The following CSMD1 variants were observed in gnomAD, a reference collection of about 807,000 sequenced individuals.
The protein encoded by CSMD1 is CUB and Sushi multiple domains 1.
Under a neutral mutation model 417.5 loss-of-function variants are expected in CSMD1, and 213 were observed. The observed-to-expected ratio is 0.51, with a 90% CI of 0.46 to 0.57. CSMD1 has a LOEUF of 0.57. CSMD1 is among the 20% of genes least tolerant of loss of function. The probability of loss-of-function intolerance (pLI) is 0.00; values close to 1 mark genes in which losing one functional copy is unlikely to be tolerated. For synonymous variants in CSMD1, 2,862 were observed against 1,736.8 expected (o/e 1.65, Z -16.11); for missense variants, 6,923 against 4,529.7 (o/e 1.53, Z -15.17).
chr8:4,231,455 T>A lies in CSMD1; in HGVS notation c.415+188498A>T, dbSNP rs568918912. On this transcript the variant is annotated intron_variant, in intron 3 of 69. Coordinates refer to ENST00000635120, the MANE Select transcript of CSMD1 (RefSeq NM_033225.6). ...AGTGATAGGTGTAGAGATCAGACAT[T>A]AGACAGTGAACTCTCTCAGGGCCAG... Among the ~76,000 whole-genome samples the A allele has an allele frequency of 2.6e-3, 403 of 152,192 alleles. 2 individuals carry two copies. Among genetic ancestry groups the A allele is most frequent in the Middle Eastern group, 0.01 (3 of 294 alleles).
At chr8:3,819,911 C>A (rs1167410770) in intron 5 of CSMD1, among the ~76,000 whole-genome samples, 2 of 152,160 alleles carry the variant, frequency 1.3e-5, no homozygotes, top group Admixed American at 6.5e-5. Flanking sequence ...TAGAGGCAGA[C>A]TGGACAAGAC....
chr8:4,057,665 A>C (rs1251856400), intron 3 of CSMD1, among the ~76,000 whole-genome samples: 4 of 126,748 alleles, frequency 3.2e-5, no homozygotes, highest in African/African-American at 1.1e-4. Flanking sequence ...TTATAGTTTT[A>C]GGTGTAACGT....
chr8:4,147,474 G>A (rs147251445), intron 3 of CSMD1, among the ~76,000 whole-genome samples: 1 of 152,148 alleles, frequency 6.6e-6, no homozygotes, highest in East Asian at 1.9e-4. Flanking sequence ...TACCCTACAT[G>A]ATTGCCTTTG....
intron 5 of CSMD1, among the ~76,000 whole-genome samples, chr8:3,951,776 G>C (rs565220820): frequency 1.3e-5 from 2 of 152,238 alleles, no homozygotes; most frequent in South Asian, 2.1e-4. Context: ...AGGGTGACCT[G>C]TGCTGAGAAC....
At chr8:3,935,560 G>C (rs1054305244) in intron 5 of CSMD1, among the ~76,000 whole-genome samples, 8 of 152,244 alleles carry the variant, frequency 5.3e-5, no homozygotes, top group African/African-American at 1.7e-4. Context: ...CTAGGTATAT[G>C]ATTGTACTTG....
At chr8:4,280,312 G>A (rs1161438518) in intron 3 of CSMD1, among the ~76,000 whole-genome samples, 1 of 151,040 alleles carries the variant, frequency 6.6e-6, no homozygotes, top group Non-Finnish European at 1.5e-5. Context: ...AGCTTTGAAA[G>A]AGAGTGGATA....
At chr8:3,383,252 T>C (rs1810755368) in intron 18 of CSMD1, among the ~76,000 whole-genome samples, 1 of 152,250 alleles carries the variant, frequency 6.6e-6, no homozygotes, top group African/African-American at 2.4e-5. Context: ...TTGTTCACAT[T>C]AAACATGCAG....
chr8:3,326,706 C>T (rs976536369), intron 23 of CSMD1, among the ~76,000 whole-genome samples: 9 of 152,216 alleles, frequency 5.9e-5, no homozygotes. Flanking sequence ...TACTCTCAGG[C>T]AGCCTGTCTC....
chr8:3,254,147 C>T (rs149256215), intron 26 of CSMD1, among the ~76,000 whole-genome samples: 10,997 of 152,036 alleles, frequency 0.072, 446 homozygotes, highest in African/African-American at 0.11. Flanking sequence ...TTAGTTTGGC[C>T]GGATATGAAA....
At chr8:4,740,715 T>G (rs1810548636) in intron 1 of CSMD1, among the ~76,000 whole-genome samples, 1 of 152,182 alleles carries the variant, frequency 6.6e-6, no homozygotes, top group South Asian at 2.1e-4. Flanking sequence ...GAGCCATCTC[T>G]GCACTCTAGC....
At chr8:4,706,837 G>A (rs1457776924) in intron 1 of CSMD1, among the ~76,000 whole-genome samples, 2 of 152,208 alleles carry the variant, frequency 1.3e-5, no homozygotes, top group Non-Finnish European at 2.9e-5. Flanking sequence ...TGACCCGATT[G>A]AGAGAATGGG....
intron 5 of CSMD1, among the ~76,000 whole-genome samples, chr8:3,985,756 ATTTTTTTT>A (rs11288801): frequency 1.4e-5 from 2 of 142,372 alleles, no homozygotes; most frequent in African/African-American, 5.2e-5. Flanking sequence ...TGTTAAAGTG[ATTTTTTTT>A]TTTTTTTTTG....
Position 3,406,298 on chromosome 8 carries a change from G to A in CSMD1, c.2072-77C>T, listed in dbSNP as rs113037624. ...ACATGTATTAAAAAAGAAGAAAACAGAACAAGCTTATAAAGCATTCATATA... is the reference window on the plus strand; with the variant it reads ...ACATGTATTAAAAAAGAAGAAAACAAAACAAGCTTATAAAGCATTCATATA... On this transcript the variant is annotated intron_variant, in intron 14 of 69. Transcript: ENST00000635120. 27 of 1,212,308 alleles carry A rather than the reference G, an allele frequency of 2.2e-5. No homozygotes were observed. In the African/African-American group the frequency reaches 2.5e-4, roughly 11 times the overall value. The allele number at this position is 1,212,308 out of a possible 1,614,324, so 75.1% of individuals were successfully genotyped here. A position where few individuals can be genotyped will look rare whatever the true frequency, so the allele number is the denominator to read the frequency against.
rs1185769834 is a variant in CSMD1 at position 3,407,962 on chromosome 8, C to G, written c.2008G>C (p.Val670Leu). Residue 670 changes from valine to leucine, a missense_variant, in exon 14 of 70, where the codon GTT becomes CTT. By Grantham distance (32) the Val-to-Leu change is conservative. Coordinates refer to ENST00000635120, the MANE Select transcript of CSMD1 (RefSeq NM_033225.6). Reference protein sequence around the residue: ...PSQLASSGHIVRLEFQSDHST... With the variant: ...PSQLASSGHILRLEFQSDHST... ...TGGTCAGACTGAAATTCCAAGCGAA[C>G]TATATGCCCACTGCTGGCCAGCTGG... 4 of 1,613,680 alleles carry G rather than the reference C, an allele frequency of 2.5e-6. No homozygotes were observed. Among genetic ancestry groups the G allele is most frequent in the Non-Finnish European group, 3.4e-6 (4 of 1,179,794 alleles).
At chr8:4,934,666 C>G (rs1016151056) in intron 1 of CSMD1, among the ~76,000 whole-genome samples, 2 of 151,986 alleles carry the variant, frequency 1.3e-5, no homozygotes, top group Non-Finnish European at 2.9e-5. Flanking sequence ...AATTATTGAC[C>G]TATCATCTAT....
At chr8:4,570,894 T>G (rs766172523) in intron 2 of CSMD1, among the ~76,000 whole-genome samples, 6 of 152,232 alleles carry the variant, frequency 3.9e-5, no homozygotes, top group Non-Finnish European at 8.8e-5. Flanking sequence ...CCCAGGAATT[T>G]GTCCATTTCT....
chr8:4,231,146 C>T (rs539438706), intron 3 of CSMD1, among the ~76,000 whole-genome samples: 1 of 152,224 alleles, frequency 6.6e-6, no homozygotes, highest in South Asian at 2.1e-4. Context: ...CGAAAACTAA[C>T]AGGATATTGA....
chr8:3,133,364 G>A (rs900443174), intron 41 of CSMD1, among the ~76,000 whole-genome samples: 1 of 152,212 alleles, frequency 6.6e-6, no homozygotes, highest in Non-Finnish European at 1.5e-5. Context: ...ATCCCTCAGA[G>A]CCTCCCCTTT....
intron 7 of CSMD1, among the ~76,000 whole-genome samples, chr8:3,703,355 A>G (rs1800977186): frequency 6.6e-6 from 1 of 152,198 alleles, no homozygotes; most frequent in Non-Finnish European, 1.5e-5. Context: ...CAAAATTCAC[A>G]AAAGACTCAT....
Sources: gnomAD v4.1 joint callset for allele counts (sites outside exome capture counted in the v4.1 genomes callset) on GRCh38, gnomAD v4.1.1 for gene constraint, MANE v1.5 for transcripts, NCBI Gene and HGNC (gene_info 2026-07-23, HGNC 2026-07-21) for gene names.